The following CEP128 variants were observed in gnomAD, a reference collection of about 807,000 sequenced individuals.
CEP128 encodes the protein centrosomal protein 128.
Under a neutral mutation model 156.7 loss-of-function variants are expected in CEP128, and 132 were observed. The ratio of observed to expected loss-of-function variants is 0.84; its 90% CI spans 0.73 to 0.97. The LOEUF is 0.97. CEP128 is among the 50% of genes least tolerant of loss of function. The probability of loss-of-function intolerance (pLI) is 0.00; values close to 1 mark genes in which losing one functional copy is unlikely to be tolerated. For synonymous variants in CEP128, 469 were observed against 448.9 expected (o/e 1.04, Z -0.57); for missense variants, 1,252 against 1,281.9 (o/e 0.98, Z 0.36).
At chr14:80,607,965 C>A (rs1595081903) in intron 19 of CEP128, among the ~76,000 whole-genome samples, 2 of 152,192 alleles carry the variant, frequency 1.3e-5, no homozygotes, top group African/African-American at 4.8e-5. Context: ...CAGCTCCAGT[C>A]CTGCTGGCTT....
intron 8 of CEP128, among the ~76,000 whole-genome samples, chr14:80,883,025 A>G (rs1888624530): frequency 6.6e-6 from 1 of 152,154 alleles, no homozygotes; most frequent in Admixed American, 6.5e-5. Flanking sequence ...TTAATTGTAC[A>G]TTTTAAAATA....
At chr14:80,765,860 G>A (rs1173777939) in intron 16 of CEP128, among the ~76,000 whole-genome samples, 1 of 152,130 alleles carries the variant, frequency 6.6e-6, no homozygotes, top group Non-Finnish European at 1.5e-5. Flanking sequence ...CTGATCCCCT[G>A]ACTAGTCTTC....
intron 18 of CEP128, among the ~76,000 whole-genome samples, chr14:80,754,522 G>A (rs1162390833): frequency 6.9e-6 from 1 of 145,576 alleles, no homozygotes; most frequent in Non-Finnish European, 1.5e-5. Context: ...GGGTGCAGTG[G>A]CACAATCTTG....
chr14:80,765,390 G>GAGA (rs1900190378), intron 16 of CEP128, among the ~76,000 whole-genome samples: 1 of 152,186 alleles, frequency 6.6e-6, no homozygotes, highest in African/African-American at 2.4e-5. Flanking sequence ...AGATTTAGAG[G>GAGA]CATTCAAATA....
chr14:80,899,445 G>A (rs1325626516), intron 7 of CEP128, among the ~76,000 whole-genome samples: 2 of 152,092 alleles, frequency 1.3e-5, no homozygotes, highest in Non-Finnish European at 2.9e-5. Context: ...CAGCTATTGG[G>A]GACTATCCAG....
rs146405580 is a variant in CEP128 at position 80,645,842 on chromosome 14, G to C, written c.2807-65419C>G. 7.9e-5 allele frequency among the ~76,000 whole-genome samples: 12 copies of C among 152,170 alleles called. No homozygotes were observed. In the East Asian group the frequency reaches 2.3e-3, roughly 29 times the overall value. On this transcript the variant is annotated intron_variant, in intron 19 of 24. Transcript: ENST00000555265. ...CAAGGTGTCTTTCAGTAGGTGAGTG[G>C]ATAAATACACTGTGGTAAATCCAGA...
chr14:80,740,697 A>C (rs1454240724), intron 19 of CEP128, among the ~76,000 whole-genome samples: 1 of 152,140 alleles, frequency 6.6e-6, no homozygotes, highest in Admixed American at 6.6e-5. Context: ...TTTTTTCTAC[A>C]TCCTCTTACC....
At chr14:80,710,279 A>G (rs770717030) in intron 19 of CEP128, among the ~76,000 whole-genome samples, 2 of 152,062 alleles carry the variant, frequency 1.3e-5, no homozygotes, top group Admixed American at 6.6e-5. Flanking sequence ...GATCTTATTG[A>G]CTGTTTTCTC....
At chr14:80,864,940 C>A (rs1887697620) in intron 8 of CEP128, among the ~76,000 whole-genome samples, 1 of 152,106 alleles carries the variant, frequency 6.6e-6, no homozygotes, top group African/African-American at 2.4e-5. Flanking sequence ...ACTAGTCAAG[C>A]CAATCAACAT....
chr14:80,485,908 A>T (rs577479161), downstream of CEP128, among the ~76,000 whole-genome samples: 233 of 152,344 alleles, frequency 1.5e-3, no homozygotes, highest in African/African-American at 5.2e-3. Flanking sequence ...TTTTTAAAAG[A>T]CATTATCTAC....
chr14:80,662,220 T>C (rs982637037), intron 19 of CEP128, among the ~76,000 whole-genome samples: 4 of 152,312 alleles, frequency 2.6e-5, no homozygotes, highest in East Asian at 3.9e-4. Context: ...CTAATTAGTT[T>C]ATGCCATGAA....
At chr14:80,938,245 A>ATTT (rs35236692) in intron 2 of CEP128, among the ~76,000 whole-genome samples, 23,379 of 116,812 alleles carry the variant, frequency 0.2, 3,108 homozygotes, top group South Asian at 0.29. Flanking sequence ...CAGTGTTAGT[A>ATTT]TTTTTTTTTT....
chr14:80,706,434 T>C (rs1231921084), intron 19 of CEP128, among the ~76,000 whole-genome samples: 1 of 152,044 alleles, frequency 6.6e-6, no homozygotes, highest in Non-Finnish European at 1.5e-5. Flanking sequence ...TGTGTGTGTG[T>C]GTGTATGTGT....
intron 8 of CEP128, among the ~76,000 whole-genome samples, chr14:80,885,707 A>G (rs1013781353): frequency 2.0e-5 from 3 of 152,174 alleles, no homozygotes; most frequent in Admixed American, 6.5e-5. Flanking sequence ...TCCAAAAACC[A>G]GAATGACTCT....
chr14:80,491,444 T>C (rs1399514788), intron 6 of CEP128, among the ~76,000 whole-genome samples: 1 of 152,176 alleles, frequency 6.6e-6, no homozygotes, highest in African/African-American at 2.4e-5. Context: ...AAAAAGTCCC[T>C]AGGTTTCTCC....
chr14:80,931,728 G>T (rs1234896772), intron 2 of CEP128, among the ~76,000 whole-genome samples: 1 of 152,228 alleles, frequency 6.6e-6, no homozygotes, highest in Non-Finnish European at 1.5e-5. Context: ...GTTCAAGTCA[G>T]CAGATAAAGT....
chr14:80,818,303 G>A (rs961708093), intron 13 of CEP128, among the ~76,000 whole-genome samples: 4 of 152,212 alleles, frequency 2.6e-5, no homozygotes, highest in Admixed American at 2.6e-4. Flanking sequence ...ACAGGCACAA[G>A]CCACCGTGCC....
chr14:80,842,648 G>A (rs532448674), intron 9 of CEP128, among the ~76,000 whole-genome samples: 25 of 151,958 alleles, frequency 1.6e-4, no homozygotes, highest in Non-Finnish European at 3.1e-4. Context: ...TTTTAAGGGT[G>A]TAAGCCTGCA....
chr14:80,921,981 A>G (rs896642735), intron 2 of CEP128, among the ~76,000 whole-genome samples: 4 of 151,752 alleles, frequency 2.6e-5, no homozygotes, highest in Non-Finnish European at 5.9e-5. Context: ...AAAAATTCCT[A>G]CATTTCATGA....
Sources: gnomAD v4.1 joint callset for allele counts (sites outside exome capture counted in the v4.1 genomes callset) on GRCh38, gnomAD v4.1.1 for gene constraint, MANE v1.5 for transcripts, NCBI Gene and HGNC (gene_info 2026-07-23, HGNC 2026-07-21) for gene names.